The following ATG4B variants were observed in gnomAD, a reference collection of about 807,000 sequenced individuals.
ATG4B encodes autophagy related 4B cysteine peptidase.
A neutral mutation model predicts 56.6 loss-of-function variants in ATG4B; 29 were observed. The observed-to-expected ratio is 0.51, with a 90% CI of 0.38 to 0.70. The LOEUF is 0.70. ATG4B is among the 30% of genes least tolerant of loss of function. ATG4B has a pLI of 0.00. For missense variants in ATG4B, 461 were observed against 515.5 expected, an observed-to-expected ratio of 0.89 and a Z score of 1.02; for synonymous variants, 224 against 206.1, an observed-to-expected ratio of 1.09 and a Z score of -0.74.
chr2:241,648,284 A>G (rs1216484370), intron 1 of ATG4B, among the ~76,000 whole-genome samples: 2 of 152,084 alleles, frequency 1.3e-5, no homozygotes, highest in South Asian at 4.1e-4. Flanking sequence ...AAGCATGGAC[A>G]AGTGAAATAT....
rs149961541 is a variant in ATG4B, at chr2:241,639,909, G to A, written c.10+2185G>A. On this transcript the variant is annotated intron_variant, in intron 1 of 12. Transcript: ENST00000404914. Reference sequence around the variant, plus strand: ...AACAGGAAGAGAGGTTCGCAATCCAGTCTGTGGATTTATCCGAGACTCGTC... The same window carrying A: ...AACAGGAAGAGAGGTTCGCAATCCAATCTGTGGATTTATCCGAGACTCGTC... Among the ~76,000 whole-genome samples the A allele has an allele frequency of 6.7e-3, 1,027 of 152,332 alleles. 18 individuals are homozygous for A. The highest frequency in any genetic ancestry group is 0.023 in the African/African-American group (973 of 41,572).
chr2:241,651,765 C>T lies in ATG4B; in HGVS notation c.184+430C>T, dbSNP rs2068237009. 1 of 579,438 alleles carries T rather than the reference C, an allele frequency of 1.7e-6. No individual in the cohort carries two copies. Among genetic ancestry groups the T allele is most frequent in the Non-Finnish European group, 2.8e-6 (1 of 355,750 alleles). 35.9% of individuals were successfully genotyped at this position (579,438 alleles called of 1,614,324 possible). A position where few individuals can be genotyped will look rare whatever the true frequency, so the allele number is the denominator to read the frequency against. ...TACTTAGGTCCAGAATGTTTGGAAG[C>T]CATTCTCTGTAGCCCTCATCTTTTT... On this transcript the variant is annotated intron_variant, in intron 3 of 12. Coordinates refer to ENST00000404914, the MANE Select transcript of ATG4B (RefSeq NM_013325.5). This position sits in a 1 kb window ranked among gnomAD's most constrained non-coding sequence, Gnocchi z 4.1.
Position 241,672,617 on chromosome 2 carries a change from T to A in ATG4B, c.*353T>A. Reference sequence around the variant, plus strand: ...TGGTTGGTTTGGAATTAAAGTCCTGTTTGAAGTTGTCAGACACAGACATGA... The same window carrying A: ...TGGTTGGTTTGGAATTAAAGTCCTGATTGAAGTTGTCAGACACAGACATGA... On this transcript the variant is annotated 3_prime_UTR_variant, in exon 13 of 13. Coordinates refer to ENST00000404914, the MANE Select transcript of ATG4B (RefSeq NM_013325.5). 3.3e-6 allele frequency: 1 copy of A among 300,050 alleles called. No individual in the cohort carries two copies. Among genetic ancestry groups the A allele is most frequent in the Non-Finnish European group, 6.3e-6 (1 of 157,666 alleles). The allele number at this position is 300,050 out of a possible 1,614,324, so 18.6% of individuals were successfully genotyped here.
intron 7 of ATG4B, 154 bp from the exon 8 acceptor site, chr2:241,666,491 T>TA (rs1451303296): frequency 2.5e-6 from 2 of 792,856 alleles, no homozygotes; most frequent in Admixed American, 2.7e-5. Flanking sequence ...AAAATTTTCT[T>TA]ACGCTTTTCT....
intron 7 of ATG4B, among the ~76,000 whole-genome samples, chr2:241,661,822 C>CT (rs1268432241): frequency 6.6e-6 from 1 of 152,138 alleles, no homozygotes; most frequent in Non-Finnish European, 1.5e-5. Context: ...GCATGCTCTT[C>CT]TTGTCCTTAA....
chr2:241,671,261 G>T, intron 11 of ATG4B, 51 bp from the exon 12 acceptor site: 1 of 1,523,832 alleles, frequency 6.6e-7, no homozygotes, highest in Non-Finnish European at 9.0e-7. Context: ...TCTCTTGGCC[G>T]CAGCAAGCAC....
At position 241,666,674 on chromosome 2, in the gene ATG4B, G is replaced by A. The variant is rs1248237629; in HGVS notation, c.568G>A (p.Ala190Thr). 1.2e-6 allele frequency: 2 copies of A among 1,613,394 alleles called. No individual in the cohort carries two copies. Among genetic ancestry groups the A allele is most frequent in the African/African-American group, 2.7e-5 (2 of 74,930 alleles). Reference sequence around the variant, plus strand: ...GTTGTGCAGGACCAGCGTTCCCTGTGCAGGCGCCACTGCGTTTCCTGCAGA... The same window carrying A: ...GTTGTGCAGGACCAGCGTTCCCTGTACAGGCGCCACTGCGTTTCCTGCAGA... ...RRLCRTSVPC[A>T]GATAFPADSD... The change falls in exon 8 of 13, where the codon GCA (alanine) becomes ACA (threonine). Residue 190 changes from alanine to threonine, a missense_variant. Transcript: ENST00000404914.
Position 241,668,074 on chromosome 2 carries a change from TATGGCAGTGGGTGGGGGGACCGTC to T in ATG4B, c.733-68_733-45del. 2.0e-6 allele frequency: 3 copies of T among 1,498,146 alleles called. No homozygotes were observed. The highest frequency in any genetic ancestry group is 2.7e-6 in the Non-Finnish European group (3 of 1,103,468). 92.8% of individuals were successfully genotyped at this position (1,498,146 alleles called of 1,614,324 possible). A position where few individuals can be genotyped will look rare whatever the true frequency, so the allele number is the denominator to read the frequency against. On this transcript the variant is annotated intron_variant, in intron 8 of 12. Transcript: ENST00000404914. The surrounding 1 kb of genome is among the most constrained non-coding windows in gnomAD (Gnocchi z 4.2). The stretch of plus-strand genomic sequence containing the variant: ...GGCCTCAGCAGGCCCTTGGGCCCCC[TATGGCAGTGGGTGGGGGGACCGTC>T]TGCTCCCACCTGGGACCTGTGCTCA...
rs926511239 is a variant in ATG4B at position 241,672,709 on chromosome 2, G to A, written c.*445G>A. The A allele has an allele frequency of 5.8e-5, 11 of 188,188 alleles. No homozygotes were observed. Among genetic ancestry groups the A allele is most frequent in the Non-Finnish European group, 1.2e-4 (11 of 89,386 alleles). 11.7% of individuals were successfully genotyped at this position (188,188 alleles called of 1,614,324 possible). Reference sequence around the variant, plus strand: ...GCAGGCTGGCGTGAGAGGAGCGGCAGCCACACTGCGGCCCCACGCCCAAGG... The same window carrying A: ...GCAGGCTGGCGTGAGAGGAGCGGCAACCACACTGCGGCCCCACGCCCAAGG... On this transcript the variant is annotated 3_prime_UTR_variant, in exon 13 of 13. Transcript: ENST00000404914.
At chr2:241,646,379 G>C (rs1326027535) in intron 1 of ATG4B, among the ~76,000 whole-genome samples, 1 of 152,102 alleles carries the variant, frequency 6.6e-6, no homozygotes, top group African/African-American at 2.4e-5. Flanking sequence ...TCAGCTTCCA[G>C]ATTCTGTTAC....
chr2:241,637,845 CCGGGGCGGCGGGCGCTGCGGGAGCG>C lies in ATG4B; in HGVS notation c.10+130_10+154del, dbSNP rs1249667567. 7 of 1,102,010 alleles carry C rather than the reference CCGGGGCGGCGGGCGCTGCGGGAGCG, an allele frequency of 6.4e-6. No individual in the cohort carries two copies. In the East Asian group the frequency reaches 2.1e-4, roughly 33 times the overall value. The allele number at this position is 1,102,010 out of a possible 1,614,324, so 68.3% of individuals were successfully genotyped here. ...GCACGCCGGTGCGGGCCAGGCTGGG[CCGGGGCGGCGGGCGCTGCGGGAGCG>C]CGGGGCGGTGTTGGTGGGTGGTGGG... On this transcript the variant is annotated intron_variant, in intron 1 of 12. Transcript: ENST00000404914.
At position 241,670,713 on chromosome 2, in the gene ATG4B, C is replaced by G. The variant is rs201909271; in HGVS notation, c.958-13C>G. On this transcript the variant is annotated splice_polypyrimidine_tract_variant and intron_variant, in intron 10 of 12. Transcript: ENST00000404914. ...GGGGGTGTCGTGTTCTGCTCATCGT[C>G]ATTTCGTTTTAGGGGTTTTTCTGTA... 76 of 1,606,464 alleles carry G rather than the reference C, an allele frequency of 4.7e-5. 1 individual carries two copies. In the Admixed American group the frequency reaches 1.3e-3, roughly 27 times the overall value.
At position 241,666,843 on chromosome 2, in the gene ATG4B, G is replaced by T. The variant is rs1575087903; in HGVS notation, c.732+5G>T. On this transcript the variant is annotated splice_donor_5th_base_variant and intron_variant, in intron 8 of 12. Transcript: ENST00000404914. ...GCCTACGTGGAGACGCTGAAGGTGG[G>T]TCCTGCCGTGCGGCGCTTGCCCTGA... 1 of 1,554,340 alleles carries T rather than the reference G, an allele frequency of 6.4e-7. No homozygotes were observed.
chr2:241,666,057 G>T (rs1404755422), intron 7 of ATG4B, among the ~76,000 whole-genome samples: 3 of 152,228 alleles, frequency 2.0e-5, no homozygotes, highest in African/African-American at 2.4e-5. Flanking sequence ...TTAAGCAGAT[G>T]CTGCAGGCAC....
rs554234455 is a variant in ATG4B, at chr2:241,668,364, G to A, written c.811+143G>A. 173 of 1,362,084 alleles carry A rather than the reference G, an allele frequency of 1.3e-4. No homozygotes were observed. Among genetic ancestry groups the A allele is most frequent in the Non-Finnish European group, 1.6e-4 (159 of 981,778 alleles). The allele number at this position is 1,362,084 out of a possible 1,614,324, so 84.4% of individuals were successfully genotyped here. A position where few individuals can be genotyped will look rare whatever the true frequency, so the allele number is the denominator to read the frequency against. On this transcript the variant is annotated intron_variant, in intron 9 of 12. Transcript: ENST00000404914. This position sits in a 1 kb window ranked among gnomAD's most constrained non-coding sequence, Gnocchi z 4.2. ...TGGGGTTCATTTTCAGCCTGGTCGC[G>A]GGCGGCCTCCTGTGTGCCCCTTTCC...
chr2:241,652,671 GT>G (rs2068259589), intron 3 of ATG4B, among the ~76,000 whole-genome samples: 1 of 152,170 alleles, frequency 6.6e-6, no homozygotes, highest in African/African-American at 2.4e-5. Flanking sequence ...TCTGAGATAC[GT>G]TTTTATCAGC....
rs1193485994 is a variant in ATG4B, at chr2:241,668,508, C to T, written c.812-32C>T. ...TGTCCCTTTCCTCTGCCGGCTCGGCCACCCACCTGCCCACCTGCCTCATCC... is the reference window on the plus strand; with the variant it reads ...TGTCCCTTTCCTCTGCCGGCTCGGCTACCCACCTGCCCACCTGCCTCATCC... On this transcript the variant is annotated intron_variant, in intron 9 of 12. Coordinates refer to ENST00000404914, the MANE Select transcript of ATG4B (RefSeq NM_013325.5). The surrounding 1 kb of genome is among the most constrained non-coding windows in gnomAD (Gnocchi z 4.2). The T allele has an allele frequency of 5.0e-6, 8 of 1,598,656 alleles. No individual in the cohort carries two copies. The highest frequency in any genetic ancestry group is 1.3e-5 in the African/African-American group (1 of 74,744).
rs62190321 is a variant in ATG4B, at chr2:241,673,420, T to C, written c.*1156T>C. The C allele has an allele frequency of 0.22, 82,814 of 378,570 alleles. 9,788 individuals carry two copies. The highest frequency in any genetic ancestry group is 0.28 in the East Asian group (3,867 of 13,672). The allele number at this position is 378,570 out of a possible 1,614,324, so 23.5% of individuals were successfully genotyped here. A position where few individuals can be genotyped will look rare whatever the true frequency, so the allele number is the denominator to read the frequency against. ...AGGAGGGCTTGGGGAGCGTGGGCAC[T>C]TTTCTCATGAGCAGCTACTGCGGCG... On this transcript the variant is annotated 3_prime_UTR_variant, in exon 13 of 13. Coordinates refer to ENST00000404914, the MANE Select transcript of ATG4B (RefSeq NM_013325.5).
chr2:241,659,425 C>A, intron 7 of ATG4B: 1 of 592,884 alleles, frequency 1.7e-6, no homozygotes. Context: ...TGGTATCTCA[C>A]GTCGTGTTTT....
Sources: gnomAD v4.1 joint callset for allele counts (sites outside exome capture counted in the v4.1 genomes callset) on GRCh38, gnomAD v4.1.1 for gene constraint, Gnocchi (gnomAD v3.1) non-coding constraint, MANE v1.5 for transcripts, NCBI Gene and HGNC (gene_info 2026-07-23, HGNC 2026-07-21) for gene names.